Variants in MAF observed in about 807,000 individuals in gnomAD.
MAF encodes the protein MAF bZIP transcription factor.
In MAF, 10 loss-of-function variants were observed where a neutral mutation model predicts 22.0. That is an observed-to-expected ratio of 0.45 (90% CI 0.28 to 0.77). MAF has a LOEUF of 0.77. Ranked by LOEUF, MAF falls within the 30% of genes least tolerant of loss-of-function variation. The pLI, the probability that MAF is intolerant of heterozygous loss-of-function variation, is 0.12. For synonymous variants in MAF, 337 were observed against 255.8 expected, an observed-to-expected ratio of 1.32 and a Z score of -3.03; for missense variants, 544 against 548.4, an observed-to-expected ratio of 0.99 and a Z score of 0.08.
chr16:79,583,166 G>A (rs928905204), downstream of MAF, among the ~76,000 whole-genome samples: 8 of 152,084 alleles, frequency 5.3e-5, no homozygotes, highest in African/African-American at 1.7e-4. Flanking sequence ...GGATGATTAC[G>A]GGCAACACAG....
the MAF span, among the ~76,000 whole-genome samples, chr16:79,310,020 C>T: frequency 3.9e-5 from 6 of 152,244 alleles, no homozygotes; most frequent in African/African-American, 9.6e-5. Flanking sequence ...TGGCAAGCAG[C>T]GGTCAGTTAG....
chr16:79,468,906 C>T, the MAF span, among the ~76,000 whole-genome samples: 24 of 152,250 alleles, frequency 1.6e-4, no homozygotes, highest in South Asian at 4.3e-3. Context: ...CTCCTGCTTG[C>T]TTTGATTGCC....
the MAF span, among the ~76,000 whole-genome samples, chr16:79,310,509 T>C: frequency 3.9e-5 from 6 of 152,194 alleles, no homozygotes; most frequent in South Asian, 2.1e-4. Flanking sequence ...TAGTAATTTA[T>C]TGCTTTCACA....
the MAF span, among the ~76,000 whole-genome samples, chr16:79,408,640 C>T: frequency 6.6e-6 from 1 of 151,692 alleles, no homozygotes; most frequent in African/African-American, 2.4e-5. Context: ...CTCATTCTTC[C>T]ATCCTTCTTT....
the MAF span, among the ~76,000 whole-genome samples, chr16:79,352,113 G>T: frequency 6.6e-6 from 1 of 152,192 alleles, no homozygotes; most frequent in East Asian, 1.9e-4. Flanking sequence ...CCTGCTTGAG[G>T]GACCTGGGAA....
chr16:79,435,117 G>C, the MAF span, among the ~76,000 whole-genome samples: 14 of 152,146 alleles, frequency 9.2e-5, no homozygotes, highest in Non-Finnish European at 1.5e-4. Context: ...TAAGAAGTCT[G>C]TCATGCAAGG....
chr16:79,594,444 A>C lies in MAF; in HGVS notation c.*16T>G. The C allele has an allele frequency of 6.4e-7, 1 of 1,551,404 alleles. No individual in the cohort carries two copies. The highest frequency in any genetic ancestry group is 8.7e-7 in the Non-Finnish European group (1 of 1,145,804). ...ATAATGATGATTTTTTTTAATGTAC[A>C]GCTCTCACACAAATTTCATTTTGTG... On this transcript the variant is annotated 3_prime_UTR_variant, in exon 2 of 2. Transcript: ENST00000326043.
chr16:79,356,671 TC>T, the MAF span, among the ~76,000 whole-genome samples: 4 of 152,026 alleles, frequency 2.6e-5, no homozygotes, highest in Admixed American at 1.3e-4. Flanking sequence ...CTGAAACACT[TC>T]CCCCCACTTT....
the MAF span, among the ~76,000 whole-genome samples, chr16:79,529,638 T>C: frequency 1.3e-5 from 2 of 152,134 alleles, no homozygotes; most frequent in Admixed American, 1.3e-4. Context: ...GAATTCATAG[T>C]TGGAAGTATG....
the MAF span, among the ~76,000 whole-genome samples, chr16:79,538,772 G>A: frequency 6.6e-6 from 1 of 151,646 alleles, no homozygotes; most frequent in Admixed American, 6.6e-5. Flanking sequence ...GTTGCAGTGA[G>A]CTGAGATCAC....
chr16:79,426,853 G>T, the MAF span, among the ~76,000 whole-genome samples: 1 of 152,304 alleles, frequency 6.6e-6, no homozygotes, highest in East Asian at 1.9e-4. Flanking sequence ...AACACATAGG[G>T]TGTATAATAA....
At chr16:79,323,632 C>A in the MAF span, among the ~76,000 whole-genome samples, 2 of 152,168 alleles carry the variant, frequency 1.3e-5, no homozygotes, top group African/African-American at 4.8e-5. Context: ...GGGACCGTAC[C>A]TTGCGGCAAG....
the MAF span, among the ~76,000 whole-genome samples, chr16:79,365,026 A>G: frequency 1.1e-4 from 17 of 152,194 alleles, no homozygotes; most frequent in African/African-American, 4.1e-4. Context: ...AATTGGTTAA[A>G]GTGGGAAGTC....
At chr16:79,462,881 A>T in the MAF span, among the ~76,000 whole-genome samples, 3 of 152,358 alleles carry the variant, frequency 2.0e-5, no homozygotes, top group Non-Finnish European at 4.4e-5. Context: ...GAAATAGGTA[A>T]TAAACAAATG....
At chr16:79,487,104 A>G in the MAF span, among the ~76,000 whole-genome samples, 45 of 152,168 alleles carry the variant, frequency 3.0e-4, no homozygotes, top group East Asian at 7.9e-3. Flanking sequence ...ACTGTTTTAT[A>G]TACTTTCACA....
chr16:79,482,511 T>A, the MAF span, among the ~76,000 whole-genome samples: 2 of 152,218 alleles, frequency 1.3e-5, no homozygotes, highest in Non-Finnish European at 2.9e-5. Context: ...GCTTCCTGCT[T>A]GATAAGAAGG....
the MAF span, among the ~76,000 whole-genome samples, chr16:79,345,857 T>C: frequency 6.6e-6 from 1 of 151,992 alleles, no homozygotes; most frequent in Non-Finnish European, 1.5e-5. Flanking sequence ...GTTGCTTTGA[T>C]GTTTGGGTAC....
At chr16:79,427,259 G>C in the MAF span, among the ~76,000 whole-genome samples, 5 of 152,316 alleles carry the variant, frequency 3.3e-5, no homozygotes, top group East Asian at 9.7e-4. Flanking sequence ...CAGAGCCCAT[G>C]TTTGGAAAGA....
the MAF span, among the ~76,000 whole-genome samples, chr16:79,407,869 A>T: frequency 6.6e-6 from 1 of 151,936 alleles, no homozygotes; most frequent in South Asian, 2.1e-4. Context: ...TGCACTTTTA[A>T]TTTGCATCCT....
Sources: allele counts gnomAD v4.1 joint callset (sites outside exome capture counted in the v4.1 genomes callset), GRCh38; gene constraint gnomAD v4.1.1; transcripts MANE v1.5; gene names NCBI Gene and HGNC (gene_info 2026-07-23, HGNC 2026-07-21).